The following ZMAT3 variants were observed in gnomAD, a reference collection of about 807,000 sequenced individuals.
ZMAT3 encodes zinc finger matrin-type 3.
Under a neutral mutation model 32.3 loss-of-function variants are expected in ZMAT3, and 17 were observed. The ratio of observed to expected loss-of-function variants is 0.53; its 90% confidence interval spans 0.36 to 0.79. The LOEUF (loss-of-function observed/expected upper bound fraction) is 0.79, where lower values mean the gene tolerates loss of function less well. ZMAT3 is among the 30% of genes least tolerant of loss of function. The pLI is 0.00. For missense variants in ZMAT3, 329 were observed against 359.7 expected (o/e 0.91, Z 0.69); for synonymous variants, 120 against 133.1 (o/e 0.90, Z 0.68).
At chr3:179,052,146 G>A (rs1174081608) in intron 2 of ZMAT3, among the ~76,000 whole-genome samples, 3 of 152,078 alleles carry the variant, frequency 2.0e-5, no homozygotes, top group Non-Finnish European at 4.4e-5. Flanking sequence ...ATAAATAGAT[G>A]AGATTTAATT....
In ZMAT3 at chr3:179,045,819, T is replaced by C. The variant is rs919254568; in HGVS notation, c.271-14820A>G. Among the ~76,000 whole-genome samples the C allele has an allele frequency of 2.0e-5, 3 of 152,184 alleles. 1 individual carries two copies. Among genetic ancestry groups the C allele is most frequent in the African/African-American group, 7.2e-5 (3 of 41,436 alleles). ...ACCTTATATCTGAAGGACTTCATAATCATTCAGCACAACAATAACCAAAAA... is the reference window on the plus strand; with the variant it reads ...ACCTTATATCTGAAGGACTTCATAACCATTCAGCACAACAATAACCAAAAA... On this transcript the variant is annotated intron_variant, in intron 2 of 5. Coordinates refer to ENST00000311417, the MANE Select transcript of ZMAT3 (RefSeq NM_022470.4).
chr3:179,039,750 A>G (rs999876338), intron 2 of ZMAT3, among the ~76,000 whole-genome samples: 3 of 152,246 alleles, frequency 2.0e-5, no homozygotes, highest in African/African-American at 7.2e-5. Context: ...ACAGAAGTAG[A>G]CTTCAGAAGG....
At position 179,029,417 on chromosome 3, in the gene ZMAT3, A is replaced by C. The variant is rs550316304; in HGVS notation, c.390+1463T>G. On this transcript the variant is annotated intron_variant, in intron 3 of 5. Coordinates refer to ENST00000311417, the MANE Select transcript of ZMAT3 (RefSeq NM_022470.4). Reference sequence around the variant, plus strand: ...AGAATTTAATGGAGCATCAAAAAAAACTCAGCAATCAAGATTAATAATACT... The same window carrying C: ...AGAATTTAATGGAGCATCAAAAAAACCTCAGCAATCAAGATTAATAATACT... Among the ~76,000 whole-genome samples the C allele has an allele frequency of 7.9e-5, 12 of 152,270 alleles. No homozygotes were observed. The East Asian group carries it at 2.3e-3, about 29-fold the overall frequency.
At chr3:179,062,298 T>C (rs187345335) in intron 2 of ZMAT3, among the ~76,000 whole-genome samples, 4 of 152,206 alleles carry the variant, frequency 2.6e-5, no homozygotes, top group African/African-American at 9.6e-5. Flanking sequence ...ACCTGCAGAA[T>C]GCTAAGGACA....
intron 2 of ZMAT3, among the ~76,000 whole-genome samples, chr3:179,056,377 T>C (rs1720845711): frequency 6.6e-6 from 1 of 152,000 alleles, no homozygotes; most frequent in African/African-American, 2.4e-5. Flanking sequence ...AAGCAGACTT[T>C]GGAGGCTCTG....
chr3:179,071,425 T>C (rs561378923), intron 1 of ZMAT3, 170 bp downstream of exon 1: 1 of 152,394 alleles, frequency 6.6e-6, no homozygotes, highest in Admixed American at 6.5e-5. Flanking sequence ...GCACAGATGA[T>C]CCACCTGGTC....
At chr3:179,067,953 T>A in intron 1 of ZMAT3, 144 bp from the exon 2 acceptor site, 1 of 734,274 alleles carries the variant, frequency 1.4e-6, no homozygotes, top group Non-Finnish European at 2.2e-6. Context: ...TGGCCTCATT[T>A]AGCAGACTTC....
At chr3:179,053,252 T>G (rs1045969058) in intron 2 of ZMAT3, among the ~76,000 whole-genome samples, 1 of 150,274 alleles carries the variant, frequency 6.7e-6, no homozygotes, top group Non-Finnish European at 1.5e-5. Flanking sequence ...ATCTACAAAA[T>G]ATCTATATTC....
chr3:179,048,440 C>T lies in ZMAT3; in HGVS notation c.271-17441G>A, dbSNP rs1208531424. Reference sequence around the variant, plus strand: ...GCATCAGGTAACCTATAAAGGAAAACCTATCAGATTAACAGCAGATGTCTC... The same window carrying T: ...GCATCAGGTAACCTATAAAGGAAAATCTATCAGATTAACAGCAGATGTCTC... On this transcript the variant is annotated intron_variant, in intron 2 of 5. Coordinates refer to ENST00000311417, the MANE Select transcript of ZMAT3 (RefSeq NM_022470.4). Among the ~76,000 whole-genome samples, 3 of 152,252 alleles carry T rather than the reference C, an allele frequency of 2.0e-5. No homozygotes were observed. The East Asian group carries it at 5.8e-4, about 29-fold the overall frequency.
chr3:179,033,295 G>C (rs995126684), intron 2 of ZMAT3, among the ~76,000 whole-genome samples: 22 of 152,214 alleles, frequency 1.4e-4, no homozygotes, highest in Admixed American at 5.2e-4. Flanking sequence ...CAGCATACTC[G>C]TTAAGAGTCA....
At chr3:179,044,100 T>C (rs781095468) in intron 2 of ZMAT3, among the ~76,000 whole-genome samples, 13 of 152,124 alleles carry the variant, frequency 8.5e-5, no homozygotes, top group Non-Finnish European at 1.8e-4. Flanking sequence ...TGTGGAGAAA[T>C]AGGAACGCTT....
At chr3:179,050,374 A>C (rs768129098) in intron 2 of ZMAT3, among the ~76,000 whole-genome samples, 3 of 152,200 alleles carry the variant, frequency 2.0e-5, no homozygotes, top group Non-Finnish European at 4.4e-5. Flanking sequence ...TAGAAAACCT[A>C]AAGGAGATGG....
At chr3:179,059,096 C>T (rs999173192) in intron 2 of ZMAT3, among the ~76,000 whole-genome samples, 4 of 152,124 alleles carry the variant, frequency 2.6e-5, no homozygotes, top group Non-Finnish European at 5.9e-5. Flanking sequence ...CAGTCTTACA[C>T]TGCTGGGGTC....
chr3:179,036,638 G>A (rs1437869448), intron 2 of ZMAT3, among the ~76,000 whole-genome samples: 2 of 152,102 alleles, frequency 1.3e-5, no homozygotes, highest in African/African-American at 4.8e-5. Flanking sequence ...AGGAAAAAAG[G>A]CTTTGGGGAA....
intron 2 of ZMAT3, among the ~76,000 whole-genome samples, chr3:179,048,775 C>CAAA (rs199703376): frequency 9.7e-6 from 1 of 102,934 alleles, no homozygotes. Flanking sequence ...GGTATTCAGG[C>CAAA]AAAAAAAAAA....
At position 179,030,877 on chromosome 3, in the gene ZMAT3, C is replaced by T; in HGVS notation, c.390+3G>A. The T allele has an allele frequency of 6.2e-7, 1 of 1,609,756 alleles. No homozygotes were observed. ...CTGCTTCACCCTGACACACATGTCT[C>T]ACCTGCGGAGGGACTGGAACAACTG... On this transcript the variant is annotated splice_donor_region_variant and intron_variant, in intron 3 of 5. Coordinates refer to ENST00000311417, the MANE Select transcript of ZMAT3 (RefSeq NM_022470.4).
chr3:179,041,605 G>A (rs557222135), intron 2 of ZMAT3, among the ~76,000 whole-genome samples: 1 of 152,300 alleles, frequency 6.6e-6, no homozygotes, highest in East Asian at 1.9e-4. Context: ...GAAATTTATA[G>A]CACTAAATGC....
chr3:179,068,624 T>C (rs181700774), intron 1 of ZMAT3, among the ~76,000 whole-genome samples: 11 of 152,272 alleles, frequency 7.2e-5, no homozygotes, highest in Admixed American at 3.9e-4. Flanking sequence ...AAAGCACTTA[T>C]AGAACTAGCT....
rs145281075 is a variant in ZMAT3, at chr3:179,066,186, C to T, written c.270+1297G>A. On this transcript the variant is annotated intron_variant, in intron 2 of 5. Transcript: ENST00000311417. The stretch of plus-strand genomic sequence containing the variant: ...GAAGACCCTGTATCAAACAACTGTA[C>T]TGGACAGCAAGGTGATGAGAGTACG... Among the ~76,000 whole-genome samples the T allele has an allele frequency of 2.7e-4, 41 of 152,126 alleles. 1 individual carries two copies. The highest frequency in any genetic ancestry group is 9.2e-4 in the African/African-American group (38 of 41,510).
Sources: gnomAD v4.1 joint callset for allele counts (sites outside exome capture counted in the v4.1 genomes callset) on GRCh38, gnomAD v4.1.1 for gene constraint, MANE v1.5 for transcripts, NCBI Gene and HGNC (gene_info 2026-07-23, HGNC 2026-07-21) for gene names.